MACF1: variants seen among roughly 807,000 people sequenced by gnomAD.
MACF1 encodes the protein microtubule-actin cross-linking factor 1.
A neutral mutation model predicts 854.8 loss-of-function variants in MACF1; 193 were observed. The ratio of observed to expected loss-of-function variants is 0.23; its 90% CI spans 0.20 to 0.25. The LOEUF (loss-of-function observed/expected upper bound fraction) is 0.25. Among genes scored for constraint, MACF1 ranks in the 10% least tolerant of loss-of-function variants. MACF1 has a pLI of 1.00. For missense variants in MACF1, 7,722 were observed against 8,929.1 expected, an observed-to-expected ratio of 0.86 and a Z score of 5.45; for synonymous variants, 3,185 against 3,226.7, an observed-to-expected ratio of 0.99 and a Z score of 0.44.
rs1438713085 is a variant in MACF1, at chr1:39,323,021, G to T, written c.4236+13G>T. On this transcript the variant is annotated intron_variant, in intron 33 of 100. Transcript: ENST00000564288. ...GGAGGAGGAGGAGGTGAGGACAGTT[G>T]GGTCCAAAGTCATCTTGAAAGTACA... 3.7e-6 allele frequency: 6 copies of T among 1,611,926 alleles called. No homozygotes were observed. The African/African-American group carries it at 8.0e-5, about 22-fold the overall frequency.
At chr1:39,204,080 CT>C (rs1419926183), upstream of MACF1, among the ~76,000 whole-genome samples, 1 of 152,040 alleles carries the variant, frequency 6.6e-6, no homozygotes, top group African/African-American at 2.4e-5. Flanking sequence ...TCGAGACCAG[CT>C]TGGCCAACAT....
At chr1:39,233,997 G>A (rs921517656) in intron 2 of MACF1, among the ~76,000 whole-genome samples, 1 of 141,880 alleles carries the variant, frequency 7.0e-6, no homozygotes, top group Non-Finnish European at 1.5e-5. Flanking sequence ...GACTCTTAAC[G>A]AGCATGCTGC....
In MACF1 at chr1:39,364,787, C is replaced by T. The variant is rs148308339; in HGVS notation, c.12771+3110C>T. 2.8e-3 allele frequency among the ~76,000 whole-genome samples: 421 copies of T among 152,044 alleles called. 4 individuals carry two copies. The East Asian group carries it at 0.032, about 12-fold the overall frequency. On this transcript the variant is annotated intron_variant, in intron 49 of 100. Transcript: ENST00000564288. ...GATTACAGGCGTGAGCCACCGCGCC[C>T]GGCCGTAAATGTGGAATTTTTGTTC...
At chr1:39,297,081 G>T (rs528064702) in intron 20 of MACF1, among the ~76,000 whole-genome samples, 3 of 151,746 alleles carry the variant, frequency 2.0e-5, no homozygotes, top group Admixed American at 6.6e-5. Context: ...CCACCACCAC[G>T]CCCGGCTAAT....
chr1:39,358,574 G>T (rs1647797688), intron 45 of MACF1, 123 bp from the exon 46 acceptor site: 4 of 860,316 alleles, frequency 4.6e-6, no homozygotes, highest in Non-Finnish European at 7.5e-6. Flanking sequence ...ATGGGTTCTG[G>T]CAATACCCTT....
At chr1:39,343,844 G>A (rs994686633) in intron 40 of MACF1, among the ~76,000 whole-genome samples, 1 of 152,194 alleles carries the variant, frequency 6.6e-6, no homozygotes, top group Non-Finnish European at 1.5e-5. Context: ...GGCTGGGCAC[G>A]GTGGCTCACG....
rs529919321 is a variant in MACF1, at chr1:39,288,216, G to A, written c.1785+654G>A. On this transcript the variant is annotated intron_variant, in intron 15 of 100. Coordinates refer to ENST00000564288, the MANE Select transcript of MACF1 (RefSeq NM_001394062.1). ...AGTTATTTAAAAATGTATAGGCTGG[G>A]TGCCGGGTGCAGTGGCTCACGCCTG... is the stretch of plus-strand genomic sequence containing the variant. 1.1e-4 allele frequency among the ~76,000 whole-genome samples: 17 copies of A among 152,184 alleles called. No homozygotes were observed. The South Asian group carries it at 2.7e-3, about 24-fold the overall frequency.
chr1:39,195,449 CATTT>C (rs1376248292), intron 2 of MACF1, among the ~76,000 whole-genome samples: 2 of 152,152 alleles, frequency 1.3e-5, no homozygotes, highest in Non-Finnish European at 2.9e-5. Flanking sequence ...GGAGAGCAGA[CATTT>C]ATCTAGCTTC....
chr1:39,307,659 G>T (rs1447806128), intron 23 of MACF1, among the ~76,000 whole-genome samples: 1 of 151,948 alleles, frequency 6.6e-6, no homozygotes, highest in Non-Finnish European at 1.5e-5. Context: ...TGCAATCTCT[G>T]CCTCCTGGGT....
chr1:39,268,975 C>T (rs769518090), intron 6 of MACF1: 4 of 1,286,552 alleles, frequency 3.1e-6, no homozygotes, highest in Admixed American at 2.3e-5. Flanking sequence ...CCTGGGGACT[C>T]AGCCCCCAAC....
chr1:39,173,107 C>T (rs746022339), intron 2 of MACF1, among the ~76,000 whole-genome samples: 18 of 151,960 alleles, frequency 1.2e-4, no homozygotes, highest in African/African-American at 1.9e-4. Flanking sequence ...TTTGGGAGGC[C>T]GAAGCGGGTG....
intron 58 of MACF1, chr1:39,410,258 GAA>G: frequency 6.4e-7 from 1 of 1,555,008 alleles, no homozygotes; most frequent in Middle Eastern, 1.7e-4. Context: ...CATCTTGATT[GAA>G]AAAGGATGGG....
chr1:39,415,598 T>A (rs1643269112), intron 58 of MACF1, among the ~76,000 whole-genome samples: 1 of 151,458 alleles, frequency 6.6e-6, no homozygotes. Context: ...CCTGACCTCA[T>A]GATCTGCCCG....
rs2124275503 is a variant in MACF1 at position 39,486,116 on chromosome 1, T to A, written c.*322T>A. The A allele has an allele frequency of 1.0e-5, 2 of 192,074 alleles. No homozygotes were observed. The highest frequency in any genetic ancestry group is 3.8e-4 in the South Asian group (2 of 5,198). The allele number at this position is 192,074 out of a possible 1,614,324, so 11.9% of individuals were successfully genotyped here. A position where few individuals can be genotyped will look rare whatever the true frequency, so the allele number is the denominator to read the frequency against. The stretch of plus-strand genomic sequence containing the variant: ...ATAGGGTTTCTGCGCGGTGCAGGGT[T>A]GTAAACCTGCTTTATCTTTTAGGAT... On this transcript the variant is annotated 3_prime_UTR_variant, in exon 101 of 101. Coordinates refer to ENST00000564288, the MANE Select transcript of MACF1 (RefSeq NM_001394062.1).
At chr1:39,235,004 C>G (rs543644847) in intron 2 of MACF1, among the ~76,000 whole-genome samples, 4 of 144,280 alleles carry the variant, frequency 2.8e-5, no homozygotes, top group African/African-American at 5.3e-5. Flanking sequence ...CGGGCGGAGA[C>G]GCTCCTCACT....
intron 1 of MACF1, among the ~76,000 whole-genome samples, chr1:39,215,897 CAGAG>C (rs1348944030): frequency 6.6e-6 from 1 of 151,984 alleles, no homozygotes; most frequent in Non-Finnish European, 1.5e-5. Flanking sequence ...CCAGCTGTGA[CAGAG>C]AGAGAAAAAG....
At chr1:39,392,735 T>A (rs1204639490) in intron 58 of MACF1, among the ~76,000 whole-genome samples, 1 of 152,156 alleles carries the variant, frequency 6.6e-6, no homozygotes, top group Non-Finnish European at 1.5e-5. Context: ...AATTATTTCT[T>A]CCTTAAATGA....
At position 39,336,185 on chromosome 1, in the gene MACF1, C is replaced by A; in HGVS notation, c.9597C>A (p.Val3199=). 2 of 1,614,080 alleles carry A rather than the reference C, an allele frequency of 1.2e-6. No homozygotes were observed. The highest frequency in any genetic ancestry group is 1.7e-6 in the Non-Finnish European group (2 of 1,180,000). Residue 3199 remains valine, a synonymous_variant, in exon 37 of 101, where the codon GTC becomes GTA. Coordinates refer to ENST00000564288, the MANE Select transcript of MACF1 (RefSeq NM_001394062.1). ...ITVSRPDSKE[V]RYLEFSDRKD... ...TTTCTAGACCAGATTCAAAAGAAGT[C>A]AGGTATCTAGAATTCTCAGACAGAA...
At chr1:39,464,282 A>G (rs886702338) in intron 94 of MACF1, 3 of 152,892 alleles carry the variant, frequency 2.0e-5, no homozygotes, top group South Asian at 2.1e-4. Flanking sequence ...AAATATATCA[A>G]CAGCTCGTCA....
Sources: gnomAD v4.1 joint callset for allele counts (sites outside exome capture counted in the v4.1 genomes callset) on GRCh38, gnomAD v4.1.1 for gene constraint, MANE v1.5 for transcripts, NCBI Gene and HGNC (gene_info 2026-07-23, HGNC 2026-07-21) for gene names.